ZNF385D: variants seen among roughly 807,000 people sequenced by gnomAD.
ZNF385D encodes zinc finger protein 385D.
ZNF385D carries 15 observed loss-of-function variants against 35.8 expected under a neutral mutation model. The observed-to-expected ratio is 0.42, with a 90% CI of 0.28 to 0.64. The LOEUF (loss-of-function observed/expected upper bound fraction) is 0.64, where lower values mean the gene tolerates loss of function less well. Ranked by LOEUF, ZNF385D falls within the 30% of genes least tolerant of loss-of-function variation. The pLI is 0.23. For missense variants in ZNF385D, 474 were observed against 494.6 expected, an observed-to-expected ratio of 0.96 and a Z score of 0.39; for synonymous variants, 212 against 186.8, an observed-to-expected ratio of 1.13 and a Z score of -1.10.
At chr3:21,935,979 C>T (rs7651606) in intron 3 of ZNF385D, among the ~76,000 whole-genome samples, 62,997 of 151,744 alleles carry the variant, frequency 0.42, 13,836 homozygotes, top group Non-Finnish European at 0.5. Flanking sequence ...AATAGGGGAA[C>T]AATGAGAATT....
intron 4 of ZNF385D, among the ~76,000 whole-genome samples, chr3:21,442,070 C>T (rs1184840727): frequency 6.6e-6 from 1 of 152,134 alleles, no homozygotes; most frequent in Non-Finnish European, 1.5e-5. Context: ...TTCAAAGTGG[C>T]CCATTTGTGA....
chr3:21,544,192 T>C (rs189852182), intron 3 of ZNF385D, among the ~76,000 whole-genome samples: 44 of 152,322 alleles, frequency 2.9e-4, no homozygotes, highest in Admixed American at 1.4e-3. Context: ...TGCAAGTGTT[T>C]TGAGGTTAAA....
intron 2 of ZNF385D, among the ~76,000 whole-genome samples, chr3:22,362,751 T>C (rs1250728081): frequency 6.6e-6 from 1 of 152,118 alleles, no homozygotes; most frequent in Non-Finnish European, 1.5e-5. Flanking sequence ...GGAACACTCC[T>C]AGATGACAGA....
At chr3:21,440,496 A>G (rs1575148949) in intron 4 of ZNF385D, among the ~76,000 whole-genome samples, 1 of 152,132 alleles carries the variant, frequency 6.6e-6, no homozygotes, top group Non-Finnish European at 1.5e-5. Context: ...AAATATGAGA[A>G]ATCAGTGTAA....
chr3:22,025,589 T>A (rs1395715550), intron 3 of ZNF385D, among the ~76,000 whole-genome samples: 1 of 152,180 alleles, frequency 6.6e-6, no homozygotes, highest in African/African-American at 2.4e-5. Context: ...ATGTTGCAGC[T>A]CAGGGAGTTT....
At chr3:22,307,145 A>G (rs956351064) in intron 2 of ZNF385D, among the ~76,000 whole-genome samples, 1 of 152,134 alleles carries the variant, frequency 6.6e-6, no homozygotes, top group Non-Finnish European at 1.5e-5. Context: ...AATCCTAAAA[A>G]GGGGAGCAGA....
At chr3:21,710,825 A>C (rs2068072876) in intron 1 of ZNF385D, among the ~76,000 whole-genome samples, 1 of 152,132 alleles carries the variant, frequency 6.6e-6, no homozygotes, top group Admixed American at 6.5e-5. Context: ...GCATTACTAC[A>C]TGAGCTAGGC....
chr3:21,721,358 T>C (rs1035980092), intron 1 of ZNF385D, among the ~76,000 whole-genome samples: 1 of 151,666 alleles, frequency 6.6e-6, no homozygotes, highest in Non-Finnish European at 1.5e-5. Flanking sequence ...CTAAAATCTT[T>C]AGACAGGCTC....
chr3:22,095,351 A>G (rs1221689555), intron 3 of ZNF385D, among the ~76,000 whole-genome samples: 1 of 151,970 alleles, frequency 6.6e-6, no homozygotes, highest in Non-Finnish European at 1.5e-5. Context: ...ATCACAGGAT[A>G]TCTTTTTGGT....
chr3:21,716,837 T>A (rs1409144401), intron 1 of ZNF385D, among the ~76,000 whole-genome samples: 4 of 152,146 alleles, frequency 2.6e-5, no homozygotes, highest in African/African-American at 4.8e-5. Flanking sequence ...CCTAACAAAA[T>A]TTCCAGGCTG....
chr3:22,162,796 A>G (rs577692685), intron 3 of ZNF385D, among the ~76,000 whole-genome samples: 4 of 152,326 alleles, frequency 2.6e-5, no homozygotes, highest in Admixed American at 6.5e-5. Context: ...TCTATGGTCA[A>G]TTGATGTCAA....
intron 1 of ZNF385D, among the ~76,000 whole-genome samples, chr3:21,699,823 CTTTTTTTTTTTTTT>C (rs1006362754): frequency 1.1e-5 from 1 of 88,878 alleles, no homozygotes; most frequent in Non-Finnish European, 2.1e-5. Flanking sequence ...GTTTCTTTTC[CTTTTTTTTTTTTTT>C]TTTTTTTTTT....
At chr3:22,276,482 T>G (rs1489120729) in intron 2 of ZNF385D, among the ~76,000 whole-genome samples, 1 of 152,160 alleles carries the variant, frequency 6.6e-6, no homozygotes, top group Non-Finnish European at 1.5e-5. Flanking sequence ...CTATCAACTC[T>G]TTAGCCATAG....
chr3:21,560,225 G>A (rs141962759), intron 3 of ZNF385D, among the ~76,000 whole-genome samples: 4,313 of 152,168 alleles, frequency 0.028, 187 homozygotes, highest in African/African-American at 0.098. Context: ...TGATCCTTTG[G>A]AGGAGAAGAG....
At chr3:21,755,016 C>T (rs1363192969), upstream of ZNF385D, among the ~76,000 whole-genome samples, 1 of 152,176 alleles carries the variant, frequency 6.6e-6, no homozygotes, top group Non-Finnish European at 1.5e-5. Flanking sequence ...AGCAGCTGCT[C>T]TTAAATTCCA....
At chr3:21,606,594 C>G (rs1167511548) in intron 2 of ZNF385D, among the ~76,000 whole-genome samples, 1 of 152,192 alleles carries the variant, frequency 6.6e-6, no homozygotes, top group Non-Finnish European at 1.5e-5. Flanking sequence ...CAGAGAAAGG[C>G]CAGGTCTCCT....
At chr3:22,187,952 G>A (rs946355841) in intron 2 of ZNF385D, among the ~76,000 whole-genome samples, 1 of 152,122 alleles carries the variant, frequency 6.6e-6, no homozygotes, top group African/African-American at 2.4e-5. Context: ...CTGTGAATAT[G>A]GCAAAGGGGA....
At chr3:21,954,624 T>A (rs1269317941) in intron 3 of ZNF385D, among the ~76,000 whole-genome samples, 1 of 152,102 alleles carries the variant, frequency 6.6e-6, no homozygotes, top group Admixed American at 6.6e-5. Context: ...AATAGTTATA[T>A]CCTAACAACT....
intron 3 of ZNF385D, among the ~76,000 whole-genome samples, chr3:21,538,432 A>G (rs1362809289): frequency 6.6e-6 from 1 of 152,138 alleles, no homozygotes; most frequent in Non-Finnish European, 1.5e-5. Context: ...GTGATATGTT[A>G]ACTTTCACTC....
Sources: gnomAD v4.1 joint callset for allele counts (sites outside exome capture counted in the v4.1 genomes callset) on GRCh38, gnomAD v4.1.1 for gene constraint, MANE v1.5 for transcripts, NCBI Gene and HGNC (gene_info 2026-07-23, HGNC 2026-07-21) for gene names.